Variants in CENPF observed in about 807,000 individuals in gnomAD.
The protein encoded by CENPF is AH antigen.
In CENPF, 214 loss-of-function variants were observed where a neutral mutation model predicts 307.3. That is an observed-to-expected ratio of 0.70 (90% CI 0.62 to 0.78). The LOEUF (loss-of-function observed/expected upper bound fraction) is 0.78. Among genes scored for constraint, CENPF ranks in the 30% least tolerant of loss-of-function variants. CENPF has a pLI of 0.00. For missense variants in CENPF, 3,401 were observed against 3,483.9 expected (o/e 0.98, Z 0.60); for synonymous variants, 1,259 against 1,270.6 (o/e 0.99, Z 0.19).
rs543519086 is a variant in CENPF at position 214,627,714 on chromosome 1, G to A, written c.1069-1332G>A. Among the ~76,000 whole-genome samples the A allele has an allele frequency of 6.4e-4, 98 of 152,142 alleles. 3 individuals are homozygous for A. In the South Asian group the frequency reaches 0.019, roughly 30 times the overall value. ...AATACTTGTTTGTTCTGTGCTTTTT[G>A]GGTTCTTTTTTTCCTTTGAGCTAGA... is the stretch of plus-strand genomic sequence containing the variant. On this transcript the variant is annotated intron_variant, in intron 7 of 19. Transcript: ENST00000366955.
chr1:214,606,115 G>C (rs1243319426), intron 1 of CENPF: 2 of 1,560,336 alleles, frequency 1.3e-6, no homozygotes, highest in Non-Finnish European at 1.7e-6. Flanking sequence ...CGCGGCCTCC[G>C]ACGCGCGCGC....
At position 214,653,085 on chromosome 1, in the gene CENPF, A is replaced by T. The variant is rs1228834552; in HGVS notation, c.8322+96A>T. ...CATTAAACGTTTTCATTTTCATTTT[A>T]TGAAAATTTTTGGTAGTCAAAAATG... On this transcript the variant is annotated intron_variant, in intron 16 of 19. Coordinates refer to ENST00000366955, the MANE Select transcript of CENPF (RefSeq NM_016343.4). The T allele has an allele frequency of 2.4e-6, 3 of 1,268,486 alleles. No individual in the cohort carries two copies. In the African/African-American group the frequency reaches 4.4e-5, roughly 19 times the overall value. The allele number at this position is 1,268,486 out of a possible 1,614,324, so 78.6% of individuals were successfully genotyped here.
At position 214,643,090 on chromosome 1, in the gene CENPF, C is replaced by T. The variant is rs200241672; in HGVS notation, c.4752C>T (p.Leu1584=). The T allele has an allele frequency of 1.2e-5, 19 of 1,608,822 alleles. No homozygotes were observed. The highest frequency in any genetic ancestry group is 2.2e-5 in the South Asian group (2 of 90,496). The part of the protein sequence containing the change: ...GIMKNKEIQE[L]EQLLSSERQE... ...TGAAAAATAAGGAAATTCAAGAGCTCGAGCAGTTATTAAGTTCTGAAAGGC... is the reference window on the plus strand; with the variant it reads ...TGAAAAATAAGGAAATTCAAGAGCTTGAGCAGTTATTAAGTTCTGAAAGGC... Residue 1584 remains leucine, a synonymous_variant, in exon 12 of 20, where the codon CTC becomes CTT. Coordinates refer to ENST00000366955, the MANE Select transcript of CENPF (RefSeq NM_016343.4).
chr1:214,640,148 T>A lies in CENPF; in HGVS notation c.1810T>A (p.Leu604Ile). Residue 604 changes from leucine to isoleucine, a missense_variant, in exon 12 of 20, where the codon TTA becomes ATA. By Grantham distance (5) the Leu-to-Ile change is conservative (BLOSUM62 2). Transcript: ENST00000366955. ...CAAAGCCTTGCTGAGTGCTTTAGAGTTAAAAAAGAAAGAATATGAAGAATT... is the reference window on the plus strand; with the variant it reads ...CAAAGCCTTGCTGAGTGCTTTAGAGATAAAAAAGAAAGAATATGAAGAATT... ...ESKALLSALE[L>I]KKKEYEELKE... 1 of 1,584,310 alleles carries A rather than the reference T, an allele frequency of 6.3e-7. No individual in the cohort carries two copies. Among genetic ancestry groups the A allele is most frequent in the Non-Finnish European group, 8.5e-7 (1 of 1,172,512 alleles).
intron 19 of CENPF, among the ~76,000 whole-genome samples, chr1:214,661,629 C>T (rs965380706): frequency 1.3e-5 from 2 of 152,132 alleles, no homozygotes; most frequent in Non-Finnish European, 2.9e-5. Flanking sequence ...TCAGGAACCC[C>T]TCGTTTGTTG....
chr1:214,628,095 C>T (rs1019941324), intron 7 of CENPF, among the ~76,000 whole-genome samples: 2 of 152,172 alleles, frequency 1.3e-5, no homozygotes, highest in Non-Finnish European at 2.9e-5. Flanking sequence ...TGTTGTGCTA[C>T]ATATTTTCAA....
chr1:214,620,553 C>T, intron 5 of CENPF, 102 bp from the exon 6 acceptor site: 1 of 1,217,814 alleles, frequency 8.2e-7, no homozygotes, highest in Non-Finnish European at 1.2e-6. Context: ...TGCAGTGCAA[C>T]TGTTAACTTC....
rs1353338139 is a variant in CENPF, at chr1:214,658,861, A to T, written c.8974A>T (p.Ile2992Phe). The change falls in exon 19 of 20, where the codon ATC becomes TTC. Residue 2992 changes from isoleucine to phenylalanine, a missense_variant. Ile to Phe is a conservative substitution (Grantham distance 21). Transcript: ENST00000366955. ...TTTTTTGCCCTTAGGGTTTGCTGAC[A>T]TCCCGACAGGAAAGACTAGCCCATA... is the stretch of plus-strand genomic sequence containing the variant. ...PEVVKKGFAD[I>F]PTGKTSPYIL... The T allele has an allele frequency of 3.1e-6, 5 of 1,614,064 alleles. No homozygotes were observed. Among genetic ancestry groups the T allele is most frequent in the Non-Finnish European group, 4.2e-6 (5 of 1,179,972 alleles).
rs1658600641 is a variant in CENPF, at chr1:214,655,285, AC to A, written c.8368del (p.Arg2790ValfsTer6). On this transcript the variant is annotated frameshift_variant, in exon 17 of 20. Transcript: ENST00000366955. LOFTEE classifies it high-confidence loss of function. ...YVNQLKKENE[R>X]AQGKMKLLIK... ...TAAATCAGTTGAAGAAGGAAAATGA[AC>A]GTGCCCAGGGGAAAATGAAGTTGTT... The A allele has an allele frequency of 6.2e-7, 1 of 1,608,542 alleles. No homozygotes were observed. The highest frequency in any genetic ancestry group is 8.5e-7 in the Non-Finnish European group (1 of 1,177,408).
At position 214,630,579 on chromosome 1, in the gene CENPF, T is replaced by G. The variant is rs758134152; in HGVS notation, c.1240T>G (p.Cys414Gly). ...TTCTTTCCAAACACTGGACCAGGAG[T>G]GCATCCAGATGAAGGCCAGACTCAC... ...QRSFQTLDQE[C>G]IQMKARLTQE... is the part of the protein sequence containing the mutation. The change falls in exon 9 of 20, where the codon TGC becomes GGC. Residue 414 changes from cysteine to glycine, a missense_variant. Physicochemically the swap from Cys to Gly is radical, Grantham distance 159 (BLOSUM62 -3). Coordinates refer to ENST00000366955, the MANE Select transcript of CENPF (RefSeq NM_016343.4). 6.2e-7 allele frequency: 1 copy of G among 1,613,902 alleles called. No individual in the cohort carries two copies. Among genetic ancestry groups the G allele is most frequent in the Non-Finnish European group, 8.5e-7 (1 of 1,179,964 alleles).
chr1:214,617,949 T>C (rs79860151), intron 3 of CENPF, among the ~76,000 whole-genome samples: 8,767 of 152,232 alleles, frequency 0.058, 808 homozygotes, highest in African/African-American at 0.2. Flanking sequence ...TGAGCCTGGG[T>C]AAATTACAAA....
chr1:214,605,795 G>C, intron 1 of CENPF: 1 of 1,591,044 alleles, frequency 6.3e-7, no homozygotes, highest in Non-Finnish European at 8.5e-7. Context: ...CACCGCCTTG[G>C]GGCAGCGCTC....
intron 3 of CENPF, among the ~76,000 whole-genome samples, chr1:214,618,175 G>A (rs1333029165): frequency 6.6e-6 from 1 of 152,156 alleles, no homozygotes; most frequent in African/African-American, 2.4e-5. Flanking sequence ...CTGCCCCCAT[G>A]ATTCAATCAC....
At chr1:214,606,779 G>A (rs192583498) in intron 1 of CENPF, among the ~76,000 whole-genome samples, 276 of 152,174 alleles carry the variant, frequency 1.8e-3, no homozygotes, top group Non-Finnish European at 3.0e-3. Flanking sequence ...TCACTGGTGT[G>A]CAGCCCGTGA....
At chr1:214,655,965 T>C (rs578215900) in intron 17 of CENPF, among the ~76,000 whole-genome samples, 28 of 152,346 alleles carry the variant, frequency 1.8e-4, no homozygotes, top group Non-Finnish European at 2.8e-4. Flanking sequence ...GTGGAACTTT[T>C]TGCTAATGAG....
In CENPF at chr1:214,646,615, A is replaced by G. The variant is rs1658311943; in HGVS notation, c.7045A>G (p.Arg2349Gly). ...CCTTGAAAGAGAGCTAGAGATAGCC[A>G]GGACAAACCAAGAGCATGCAGCTCT... Reference protein sequence around the residue: ...ENLERELEIARTNQEHAALEA... With the variant: ...ENLERELEIAGTNQEHAALEA... The change falls in exon 13 of 20, where the codon AGG (arginine) becomes GGG (glycine). Residue 2349 changes from arginine (R) to glycine (G), a missense_variant. Coordinates refer to ENST00000366955, the MANE Select transcript of CENPF (RefSeq NM_016343.4). 4.3e-6 allele frequency: 7 copies of G among 1,614,144 alleles called. No homozygotes were observed. Among genetic ancestry groups the G allele is most frequent in the Non-Finnish European group, 5.1e-6 (6 of 1,180,004 alleles).
rs1409755172 is a variant in CENPF, at chr1:214,640,012, T to A, written c.1674T>A (p.Leu558=). 1.3e-6 allele frequency: 2 copies of A among 1,596,242 alleles called. No individual in the cohort carries two copies. The highest frequency in any genetic ancestry group is 1.7e-6 in the Non-Finnish European group (2 of 1,175,808). ...ENSLTLEKLK[L]AVADLEKQRD... ...CCTTGACTTTAGAAAAACTGAAGCT[T>A]GCTGTGGCTGATCTGGAAAAGCAGC... Residue 558 remains leucine (L), a synonymous_variant, in exon 12 of 20, where the codon CTT becomes CTA. Coordinates refer to ENST00000366955, the MANE Select transcript of CENPF (RefSeq NM_016343.4).
rs758963430 is a variant in CENPF, at chr1:214,622,213, A to G, written c.1000A>G (p.Lys334Glu). The change falls in exon 7 of 20, where the codon AAA (lysine) becomes GAA (glutamate). Residue 334 changes from lysine (K) to glutamate (E), a missense_variant. Physicochemically the swap from Lys to Glu is moderately conservative, Grantham distance 56 (BLOSUM62 1). Coordinates refer to ENST00000366955, the MANE Select transcript of CENPF (RefSeq NM_016343.4). The part of the protein sequence containing the change: ...KAKVELIEKE[K>E]VLNKCRDELV... ...AAAAGTGGAATTAATTGAAAAAGAG[A>G]AAGTTTTGAACAAATGTAGGGATGA... 48 of 1,613,976 alleles carry G rather than the reference A, an allele frequency of 3.0e-5. No individual in the cohort carries two copies. The highest frequency in any genetic ancestry group is 3.9e-5 in the Non-Finnish European group (46 of 1,179,992).
In CENPF at chr1:214,645,146, G is replaced by A. The variant is rs1339577654; in HGVS notation, c.5576G>A (p.Arg1859Lys). ...TGTGATCACCAGGAGTTACTCCAGA[G>A]AGTAGAAACTTCTGAAGGCCTCAAT... ...FSCDHQELLQ[R>K]VETSEGLNSD... Residue 1859 changes from arginine (R) to lysine (K), a missense_variant, in exon 13 of 20, where the codon AGA (arginine) becomes AAA (lysine). Coordinates refer to ENST00000366955, the MANE Select transcript of CENPF (RefSeq NM_016343.4). 1 of 1,613,952 alleles carries A rather than the reference G, an allele frequency of 6.2e-7. No individual in the cohort carries two copies. The highest frequency in any genetic ancestry group is 8.5e-7 in the Non-Finnish European group (1 of 1,179,982).
Sources: allele counts gnomAD v4.1 joint callset (sites outside exome capture counted in the v4.1 genomes callset), GRCh38; gene constraint gnomAD v4.1.1; transcripts MANE v1.5; gene names NCBI Gene and HGNC (gene_info 2026-07-23, HGNC 2026-07-21).